ZPR1: variants seen among roughly 807,000 people sequenced by gnomAD.
ZPR1 encodes zinc finger protein ZPR1.
Under a neutral mutation model 59.6 loss-of-function variants are expected in ZPR1, and 37 were observed. The observed-to-expected ratio is 0.62, with a 90% CI of 0.48 to 0.82. The LOEUF (loss-of-function observed/expected upper bound fraction) is 0.82, where lower values mean the gene tolerates loss of function less well. Ranked by LOEUF, ZPR1 falls within the 40% of genes least tolerant of loss-of-function variation. The pLI, the probability that ZPR1 is intolerant of heterozygous loss-of-function variation, is 0.00. For missense variants in ZPR1, 527 were observed against 579.9 expected (o/e 0.91, Z 0.94); for synonymous variants, 191 against 215.2 (o/e 0.89, Z 0.99).
At position 116,777,178 on chromosome 11, in the gene ZPR1, A is replaced by C. The variant is rs1462667306; in HGVS notation, c.*1747T>G. 6.6e-6 allele frequency: 1 copy of C among 152,260 alleles called. No individual in the cohort carries two copies. Among genetic ancestry groups the C allele is most frequent in the African/African-American group, 2.4e-5 (1 of 41,448 alleles). 9.4% of individuals were successfully genotyped at this position (152,260 alleles called of 1,614,324 possible). ...AATAAGAAATATTCAAAGTGAAGGG[A>C]AAACCAAGGGTACAGTATCTCGAGA... is the stretch of plus-strand genomic sequence containing the variant. On this transcript the variant is annotated 3_prime_UTR_variant, in exon 14 of 14. Transcript: ENST00000227322.
chr11:116,787,092 G>A (rs1210367032), intron 2 of ZPR1, 33 bp from the exon 3 acceptor site: 3 of 1,572,498 alleles, frequency 1.9e-6, no homozygotes, highest in Middle Eastern at 1.7e-4. Context: ...AGTACAAAGA[G>A]ACTGCAGAAC....
chr11:116,774,116 ATATT>A lies in ZPR1; in HGVS notation c.*4805_*4808del, dbSNP rs1311642213. 1 of 152,220 alleles carries A rather than the reference ATATT, an allele frequency of 6.6e-6. No individual in the cohort carries two copies. The highest frequency in any genetic ancestry group is 6.5e-5 in the Admixed American group (1 of 15,278). 9.4% of individuals were successfully genotyped at this position (152,220 alleles called of 1,614,324 possible). ...TTTATTATTTGACAAAAAATTATATATATTCAAGGTGTACAATGTGATGACTGGA... is the reference window on the plus strand; with the variant it reads ...TTTATTATTTGACAAAAAATTATATACAAGGTGTACAATGTGATGACTGGA... On this transcript the variant is annotated 3_prime_UTR_variant, in exon 14 of 14. Transcript: ENST00000227322.
At chr11:116,785,371 TG>T in intron 6 of ZPR1, 142 bp downstream of exon 6, 1 of 1,308,546 alleles carries the variant, frequency 7.6e-7, no homozygotes, top group Non-Finnish European at 1.1e-6. Flanking sequence ...ACCCAAGTCC[TG>T]GACATAAGCA....
Position 116,787,493 on chromosome 11 carries a change from TGACA to T in ZPR1, c.318_321del (p.Val107GlyfsTer6), listed in dbSNP as rs780692981. 7.4e-6 allele frequency: 12 copies of T among 1,613,684 alleles called. No homozygotes were observed. The highest frequency in any genetic ancestry group is 2.2e-5 in the East Asian group (1 of 44,874). On this transcript the variant is annotated frameshift_variant, in exon 2 of 14. Transcript: ENST00000227322. LOFTEE classifies it high-confidence loss of function. ...TGAGGTCCTCTCACCTCCAGAGCCC[TGACA>T]GACAAAGTGTAGCGCACTCCCTGGT... is the stretch of plus-strand genomic sequence containing the variant.
rs1382218932 is a variant in ZPR1 at position 116,776,864 on chromosome 11, T to G, written c.*2061A>C. 1 of 152,238 alleles carries G rather than the reference T, an allele frequency of 6.6e-6. No individual in the cohort carries two copies. Among genetic ancestry groups the G allele is most frequent in the African/African-American group, 2.4e-5 (1 of 41,454 alleles). 9.4% of individuals were successfully genotyped at this position (152,238 alleles called of 1,614,324 possible). A position where few individuals can be genotyped will look rare whatever the true frequency, so the allele number is the denominator to read the frequency against. ...AGATCAGAGGGTTGTCTGGTAAACT[T>G]AGATTCCCAAGTCAGCTGGAAACAT... On this transcript the variant is annotated 3_prime_UTR_variant, in exon 14 of 14. Transcript: ENST00000227322.
In ZPR1 at chr11:116,777,229, G is replaced by A. The variant is rs1371739741; in HGVS notation, c.*1696C>T. The stretch of plus-strand genomic sequence containing the variant: ...GCCAAAAGAAGGGTTAAGAAGAGAT[G>A]GTCCACTATCAAATGTGACAGAAAT... On this transcript the variant is annotated 3_prime_UTR_variant, in exon 14 of 14. Transcript: ENST00000227322. The A allele has an allele frequency of 6.6e-6, 1 of 152,146 alleles. No homozygotes were observed. The highest frequency in any genetic ancestry group is 1.5e-5 in the Non-Finnish European group (1 of 68,038). The allele number at this position is 152,146 out of a possible 1,614,324, so 9.4% of individuals were successfully genotyped here. A position where few individuals can be genotyped will look rare whatever the true frequency, so the allele number is the denominator to read the frequency against.
chr11:116,787,084 T>C, intron 2 of ZPR1, 25 bp from the exon 3 acceptor site: 1 of 1,594,382 alleles, frequency 6.3e-7, no homozygotes, highest in Non-Finnish European at 8.6e-7. Context: ...ATACGTTCAG[T>C]ACAAAGAGAC....
In ZPR1 at chr11:116,774,071, T is replaced by G. The variant is rs1192662076; in HGVS notation, c.*4854A>C. On this transcript the variant is annotated 3_prime_UTR_variant, in exon 14 of 14. Transcript: ENST00000227322. The stretch of plus-strand genomic sequence containing the variant: ...TCATCATATATGTTAGATTGTCAGT[T>G]TTATCGTTTTCTTCCCAGCTTTATT... 6.6e-6 allele frequency: 1 copy of G among 152,196 alleles called. No homozygotes were observed. The highest frequency in any genetic ancestry group is 1.5e-5 in the Non-Finnish European group (1 of 68,036). 9.4% of individuals were successfully genotyped at this position (152,196 alleles called of 1,614,324 possible). A position where few individuals can be genotyped will look rare whatever the true frequency, so the allele number is the denominator to read the frequency against.
In ZPR1 at chr11:116,779,798, C is replaced by T. The variant is rs1305549507; in HGVS notation, c.1219G>A (p.Asp407Asn). 1 of 1,594,868 alleles carries T rather than the reference C, an allele frequency of 6.3e-7. No homozygotes were observed. Among genetic ancestry groups the T allele is most frequent in the Admixed American group, 1.7e-5 (1 of 58,792 alleles). Residue 407 changes from aspartate (D) to asparagine (N), a missense_variant, in exon 13 of 14, where the codon GAT (aspartate) becomes AAT (asparagine). Coordinates refer to ENST00000227322, the MANE Select transcript of ZPR1 (RefSeq NM_003904.5). Reference protein sequence around the residue: ...GNMKAHFIMDDPAGNSYLQNV... With the variant: ...GNMKAHFIMDNPAGNSYLQNV... Reference sequence around the variant, plus strand: ...TGCAAGTAACTGTTTCCTGCTGGATCATCCATAATAAAGTGGGCCTTCATG... The same window carrying T: ...TGCAAGTAACTGTTTCCTGCTGGATTATCCATAATAAAGTGGGCCTTCATG...
At chr11:116,782,344 G>A in intron 11 of ZPR1, 100 bp from the exon 12 acceptor site, 1 of 1,031,580 alleles carries the variant, frequency 9.7e-7, no homozygotes, top group Non-Finnish European at 1.5e-6. Flanking sequence ...CCCTGTCAGG[G>A]AAACTTGGTT....
rs1414423757 is a variant in ZPR1 at position 116,774,359 on chromosome 11, A to C, written c.*4566T>G. ...GAAAACTTGTACCATTTGAGAGAGAAGTTTTAGTGTTACTGAAATCACAGA... is the reference window on the plus strand; with the variant it reads ...GAAAACTTGTACCATTTGAGAGAGACGTTTTAGTGTTACTGAAATCACAGA... On this transcript the variant is annotated 3_prime_UTR_variant, in exon 14 of 14. Transcript: ENST00000227322. 2 of 151,756 alleles carry C rather than the reference A, an allele frequency of 1.3e-5. No homozygotes were observed. Among genetic ancestry groups the C allele is most frequent in the African/African-American group, 4.8e-5 (2 of 41,404 alleles). The allele number at this position is 151,756 out of a possible 1,614,324, so 9.4% of individuals were successfully genotyped here.
In ZPR1 at chr11:116,784,915, G is replaced by A. The variant is rs1234892787; in HGVS notation, c.760C>T (p.Gln254Ter). 1 of 1,614,052 alleles carries A rather than the reference G, an allele frequency of 6.2e-7. No individual in the cohort carries two copies. The highest frequency in any genetic ancestry group is 8.5e-7 in the Non-Finnish European group (1 of 1,180,032). The change falls in exon 8 of 14, where the codon CAG (glutamine) becomes TAG (stop). Residue 254 changes from glutamine to a stop codon, truncating the protein, a stop_gained. Transcript: ENST00000227322. LOFTEE classifies it high-confidence loss of function. ...EEEDLRNEVLQFSTNCPECNA... is the reference protein window; with the variant it reads ...EEEDLRNEVL ...CATTCTGGGCAGTTTGTGCTGAACT[G>A]GAGCACCTGGAACACAACATGAGGA...
rs1162856493 is a variant in ZPR1, at chr11:116,776,236, T to C, written c.*2689A>G. The C allele has an allele frequency of 3.3e-5, 5 of 152,258 alleles. No individual in the cohort carries two copies. The highest frequency in any genetic ancestry group is 3.3e-4 in the Admixed American group (5 of 15,290). 9.4% of individuals were successfully genotyped at this position (152,258 alleles called of 1,614,324 possible). A position where few individuals can be genotyped will look rare whatever the true frequency, so the allele number is the denominator to read the frequency against. On this transcript the variant is annotated 3_prime_UTR_variant, in exon 14 of 14. Transcript: ENST00000227322. ...CCTCATGCATGAACCACTTTCCTTTTTTAACACAATCACAAACCTTTTCCA... is the reference window on the plus strand; with the variant it reads ...CCTCATGCATGAACCACTTTCCTTTCTTAACACAATCACAAACCTTTTCCA...
At position 116,775,152 on chromosome 11, in the gene ZPR1, C is replaced by A. The variant is rs1347010974; in HGVS notation, c.*3773G>T. ...CAGAGTCTGACTGGCATGGGTTTGACACCTGCCTCTTAGAAGCTCTACTTC... is the reference window on the plus strand; with the variant it reads ...CAGAGTCTGACTGGCATGGGTTTGAAACCTGCCTCTTAGAAGCTCTACTTC... On this transcript the variant is annotated 3_prime_UTR_variant, in exon 14 of 14. Coordinates refer to ENST00000227322, the MANE Select transcript of ZPR1 (RefSeq NM_003904.5). 6.6e-6 allele frequency: 1 copy of A among 152,286 alleles called. No homozygotes were observed. The highest frequency in any genetic ancestry group is 2.4e-5 in the African/African-American group (1 of 41,428). The allele number at this position is 152,286 out of a possible 1,614,324, so 9.4% of individuals were successfully genotyped here. A position where few individuals can be genotyped will look rare whatever the true frequency, so the allele number is the denominator to read the frequency against.
In ZPR1 at chr11:116,787,655, G is replaced by T; in HGVS notation, c.172-12C>A. The T allele has an allele frequency of 2.5e-6, 4 of 1,603,328 alleles. No individual in the cohort carries two copies. Among genetic ancestry groups the T allele is most frequent in the Non-Finnish European group, 3.4e-6 (4 of 1,171,360 alleles). Reference sequence around the variant, plus strand: ...AGGCGCGTCATGCCCTGGTGAAGTAGAAAGTAGCTAAGGAAAAAAATCAAT... The same window carrying T: ...AGGCGCGTCATGCCCTGGTGAAGTATAAAGTAGCTAAGGAAAAAAATCAAT... On this transcript the variant is annotated splice_polypyrimidine_tract_variant and intron_variant, in intron 1 of 13. Transcript: ENST00000227322.
chr11:116,778,746 A>T lies in ZPR1; in HGVS notation c.*179T>A. ...TAAGGTCAAGTAACACAATAGGCTC[A>T]CACTTGCATCACAAGCTGTTTAGAA... On this transcript the variant is annotated 3_prime_UTR_variant, in exon 14 of 14. Coordinates refer to ENST00000227322, the MANE Select transcript of ZPR1 (RefSeq NM_003904.5). The T allele has an allele frequency of 1.3e-6, 1 of 783,814 alleles. No individual in the cohort carries two copies. 48.6% of individuals were successfully genotyped at this position (783,814 alleles called of 1,614,324 possible).
At position 116,787,937 on chromosome 11, in the gene ZPR1, C is replaced by T. The variant is rs980494519; in HGVS notation, c.54G>A (p.Pro18=). 4 of 1,476,520 alleles carry T rather than the reference C, an allele frequency of 2.7e-6. No individual in the cohort carries two copies. The highest frequency in any genetic ancestry group is 5.4e-5 in the East Asian group (2 of 36,946). The allele number at this position is 1,476,520 out of a possible 1,614,324, so 91.5% of individuals were successfully genotyped here. Residue 18 remains proline, a synonymous_variant, in exon 1 of 14, where the codon CCG becomes CCA. Coordinates refer to ENST00000227322, the MANE Select transcript of ZPR1 (RefSeq NM_003904.5). ...CAGGCGGCGGGGCCGGGGCGGGCGA[C>T]GGGGCGACGGCAGCCCCCGGGGGCC... The part of the protein sequence containing the change: ...EPGPPGAAVA[P]SPAPAPPPAP...
At chr11:116,786,887 C>G (rs1940895484) in intron 3 of ZPR1, 82 bp downstream of exon 3, 1 of 1,124,804 alleles carries the variant, frequency 8.9e-7, no homozygotes, top group African/African-American at 1.5e-5. Context: ...ACCACTAGAC[C>G]TGGCACCAGG....
At position 116,787,821 on chromosome 11, in the gene ZPR1, T is replaced by C. The variant is rs770285775; in HGVS notation, c.170A>G (p.Asn57Ser). The C allele has an allele frequency of 2.3e-5, 36 of 1,555,118 alleles. No homozygotes were observed. The highest frequency in any genetic ancestry group is 5.8e-5 in the Admixed American group (3 of 51,916). ...CTCGCGGCCGCGCCCCCGCCTCACA[T>C]TGCAGTAACAGTTCATGCATAGCGA... is the stretch of plus-strand genomic sequence containing the variant. ...IESLCMNCYC[N>S]GMTRLLLTKI... Residue 57 changes from asparagine (N) to serine (S), a missense_variant and splice_region_variant, in exon 1 of 14, where the codon AAT (asparagine) becomes AGT (serine). Coordinates refer to ENST00000227322, the MANE Select transcript of ZPR1 (RefSeq NM_003904.5).
Sources: allele counts gnomAD v4.1 joint callset, GRCh38; gene constraint gnomAD v4.1.1; transcripts MANE v1.5; gene names NCBI Gene and HGNC (gene_info 2026-07-23, HGNC 2026-07-21).